Variants in TRRAP observed in about 807,000 individuals in gnomAD.
The protein encoded by TRRAP is transformation/transcription domain associated protein, also known as transformation/transcription domain-associated protein.
A neutral mutation model predicts 438.8 loss-of-function variants in TRRAP; 41 were observed. The observed-to-expected ratio is 0.09, with a 90% CI of 0.07 to 0.12. TRRAP has a LOEUF of 0.12. TRRAP is among the 10% of genes least tolerant of loss of function. TRRAP has a pLI of 1.00. For synonymous variants in TRRAP, 1,994 were observed against 1,962.9 expected (o/e 1.02, Z -0.42); for missense variants, 3,122 against 5,055.1 (o/e 0.62, Z 11.60).
At chr7:98,984,621 A>G (rs554101291) in intron 61 of TRRAP, among the ~76,000 whole-genome samples, 1 of 152,322 alleles carries the variant, frequency 6.6e-6, no homozygotes, top group East Asian at 1.9e-4. Flanking sequence ...ATTACACACT[A>G]CAGAATTATG....
In TRRAP at chr7:98,945,691, A is replaced by C. The variant is rs1791020962; in HGVS notation, c.4474-56A>C. The stretch of plus-strand genomic sequence containing the variant: ...CCTTACTGTGTTTGAGTATGTGGGA[A>C]GTTTTTATGTAAATAACATAAATAG... On this transcript the variant is annotated intron_variant, in intron 31 of 72. Transcript: ENST00000456197. 3 of 1,585,544 alleles carry C rather than the reference A, an allele frequency of 1.9e-6. No homozygotes were observed. The East Asian group carries it at 6.7e-5, about 35-fold the overall frequency.
intron 48 of TRRAP, 133 bp from the exon 49 acceptor site, chr7:98,965,563 A>C: frequency 1.7e-6 from 2 of 1,182,082 alleles, no homozygotes; most frequent in Non-Finnish European, 2.4e-6. Flanking sequence ...TTCAAATCCC[A>C]GAGCTCTAGT....
In TRRAP at chr7:98,958,025, C is replaced by T. The variant is rs781804927; in HGVS notation, c.6276C>T (p.Leu2092=). 6.8e-6 allele frequency: 11 copies of T among 1,614,090 alleles called. No individual in the cohort carries two copies. Among genetic ancestry groups the T allele is most frequent in the Admixed American group, 5.0e-5 (3 of 60,008 alleles). Reference sequence around the variant, plus strand: ...CGCTACCTGGAGCAGACTCTCTCCTCGCCAAGCCCATTGACAAGCAGCACA... The same window carrying T: ...CGCTACCTGGAGCAGACTCTCTCCTTGCCAAGCCCATTGACAAGCAGCACA... The part of the protein sequence containing the change: ...SQSLPGADSL[L]AKPIDKQHTD... Residue 2092 remains leucine, a synonymous_variant, in exon 44 of 73, where the codon CTC becomes CTT. Coordinates refer to ENST00000456197, the MANE Select transcript of TRRAP (RefSeq NM_001375524.1).
intron 62 of TRRAP, 64 bp from the exon 63 acceptor site, chr7:98,988,701 C>A: frequency 6.4e-7 from 1 of 1,562,848 alleles, no homozygotes; most frequent in Non-Finnish European, 8.7e-7. Flanking sequence ...TGGTTAATTT[C>A]AGATTACGTG....
rs1230425872 is a variant in TRRAP, at chr7:98,973,402, C to G, written c.7839+1457C>G. Reference sequence around the variant, plus strand: ...TCAGGTGCCTGGGCCTCAGTTTTAGCCTCAGCTCCTGGTGCGAGTGCCATC... The same window carrying G: ...TCAGGTGCCTGGGCCTCAGTTTTAGGCTCAGCTCCTGGTGCGAGTGCCATC... On this transcript the variant is annotated intron_variant, in intron 53 of 72. Transcript: ENST00000456197. Among the ~76,000 whole-genome samples the G allele has an allele frequency of 4.6e-5, 7 of 152,314 alleles. No individual in the cohort carries two copies. In the East Asian group the frequency reaches 1.4e-3, roughly 29 times the overall value.
At chr7:98,962,550 G>C in intron 47 of TRRAP, 123 bp downstream of exon 47, 1 of 1,549,664 alleles carries the variant, frequency 6.5e-7, no homozygotes, top group Non-Finnish European at 8.8e-7. Flanking sequence ...CCGCTGCGTT[G>C]TTCAGGTGTC....
chr7:98,878,810 G>C (rs1483329358), intron 1 of TRRAP, among the ~76,000 whole-genome samples, 173 bp downstream of exon 1: 2 of 152,086 alleles, frequency 1.3e-5, no homozygotes, highest in Admixed American at 1.3e-4. Flanking sequence ...GGCCGATGGC[G>C]TTTGCGGCCG....
At chr7:98,881,024 G>T (rs978197748) in intron 1 of TRRAP, 66 bp from the exon 2 acceptor site, 16 of 620,068 alleles carry the variant, frequency 2.6e-5, no homozygotes, top group Admixed American at 3.7e-5. Context: ...CTTTAGGTAA[G>T]ATTTTCACAG....
intron 70 of TRRAP, among the ~76,000 whole-genome samples, chr7:99,009,368 G>A (rs1698948193): frequency 6.6e-6 from 1 of 151,778 alleles, no homozygotes; most frequent in African/African-American, 2.4e-5. Flanking sequence ...CTGGCTCCTG[G>A]AGGACTTAGT....
intron 64 of TRRAP, 126 bp downstream of exon 64, chr7:98,990,745 G>T (rs957030115): frequency 2.9e-6 from 3 of 1,022,024 alleles, no homozygotes; most frequent in African/African-American, 3.2e-5. Flanking sequence ...GAGATGGGAA[G>T]ATATAATCAT....
At chr7:98,955,338 C>A (rs375997951) in intron 41 of TRRAP, 34 bp downstream of exon 41, 12 of 1,567,620 alleles carry the variant, frequency 7.7e-6, no homozygotes, top group African/African-American at 1.4e-5. Context: ...GCGGGGCGCG[C>A]GTCTTCAGGC....
chr7:98,976,210 A>G lies in TRRAP; in HGVS notation c.7901A>G (p.Lys2634Arg). The change falls in exon 54 of 73, where the codon AAG (lysine) becomes AGG (arginine). Residue 2634 changes from lysine (K) to arginine (R), a missense_variant. By Grantham distance (26) the Lys-to-Arg change is conservative. Around this residue, in one of 24 missense-constraint regions of TRRAP, gnomAD observed 992 missense variants for 1,281.2 expected, o/e 0.77. Transcript: ENST00000456197. The surrounding 1 kb of genome is among the most constrained non-coding windows in gnomAD (Gnocchi z 4.6). ...LCHISTTLAE[K>R]TWVQLFPRLW... ...CACATTTCCACGACGCTGGCAGAGA[A>G]GACGTGGGTCCAGCTTTTCCCCAGA... The G allele has an allele frequency of 1.2e-6, 2 of 1,614,198 alleles. No homozygotes were observed. Among genetic ancestry groups the G allele is most frequent in the Non-Finnish European group, 1.7e-6 (2 of 1,180,018 alleles).
At chr7:98,884,838 T>C (rs1178919862) in intron 3 of TRRAP, among the ~76,000 whole-genome samples, 1 of 152,072 alleles carries the variant, frequency 6.6e-6, no homozygotes, top group African/African-American at 2.4e-5. Context: ...GCATGTAAAT[T>C]TCCCTTCTCC....
At chr7:98,959,609 TCTC>T in intron 45 of TRRAP, 119 bp downstream of exon 45, 1 of 1,426,954 alleles carries the variant, frequency 7.0e-7, no homozygotes, top group Non-Finnish European at 9.4e-7. Context: ...AAACCCCAAA[TCTC>T]CTGTCCCCTT....
At position 98,988,719 on chromosome 7, in the gene TRRAP, C is replaced by T. The variant is rs756043606; in HGVS notation, c.9390-46C>T. On this transcript the variant is annotated intron_variant, in intron 62 of 72. Coordinates refer to ENST00000456197, the MANE Select transcript of TRRAP (RefSeq NM_001375524.1). Reference sequence around the variant, plus strand: ...TTAATTTCAGATTACGTGAAGCTCGCTTCAATTGAAAACCATACACGTTTT... The same window carrying T: ...TTAATTTCAGATTACGTGAAGCTCGTTTCAATTGAAAACCATACACGTTTT... 2.6e-5 allele frequency: 42 copies of T among 1,597,582 alleles called. No individual in the cohort carries two copies. In the South Asian group the frequency reaches 4.6e-4, roughly 18 times the overall value.
intron 1 of TRRAP, among the ~76,000 whole-genome samples, chr7:98,879,507 C>T (rs73711442): frequency 6.6e-6 from 1 of 151,586 alleles, no homozygotes; most frequent in South Asian, 2.1e-4. Flanking sequence ...GTCTTGGGTC[C>T]CCTCGGATGG....
In TRRAP at chr7:98,953,331, G is replaced by A. The variant is rs782258653; in HGVS notation, c.5628G>A (p.Leu1876=). The change falls in exon 40 of 73, where the codon CTG becomes CTA. Residue 1876 remains leucine (L), a synonymous_variant. Coordinates refer to ENST00000456197, the MANE Select transcript of TRRAP (RefSeq NM_001375524.1). The part of the protein sequence containing the change: ...RRLMTFAWPC[L]LSKACVDPAC... Reference sequence around the variant, plus strand: ...TCATGACCTTCGCCTGGCCCTGCCTGCTCTCCAAGGCCTGCGTGGACCCAG... The same window carrying A: ...TCATGACCTTCGCCTGGCCCTGCCTACTCTCCAAGGCCTGCGTGGACCCAG... 5 of 1,613,948 alleles carry A rather than the reference G, an allele frequency of 3.1e-6. No individual in the cohort carries two copies. In the Admixed American group the frequency reaches 8.3e-5, roughly 27 times the overall value.
intron 21 of TRRAP, 149 bp from the exon 22 acceptor site, chr7:98,924,963 C>A: frequency 9.5e-7 from 1 of 1,048,408 alleles, no homozygotes; most frequent in Non-Finnish European, 1.3e-6. Context: ...GAGATACGCG[C>A]CACTGCACTC....
chr7:98,896,208 T>A (rs1315644963), intron 7 of TRRAP, among the ~76,000 whole-genome samples: 2 of 152,082 alleles, frequency 1.3e-5, no homozygotes, highest in Non-Finnish European at 2.9e-5. Context: ...GTGGTGTATA[T>A]TTTCAGTTTT....
Sources: gnomAD v4.1 joint callset for allele counts (sites outside exome capture counted in the v4.1 genomes callset) on GRCh38, gnomAD v4.1.1 for gene constraint, gnomAD v4.1.1 regional missense constraint, Gnocchi (gnomAD v3.1) non-coding constraint, MANE v1.5 for transcripts, NCBI Gene and HGNC (gene_info 2026-07-23, HGNC 2026-07-21) for gene names.